The following CPLANE1 variants were observed in gnomAD, a reference collection of about 807,000 sequenced individuals.
CPLANE1 encodes ciliogenesis and planar polarity effector 1.
In CPLANE1, 263 loss-of-function variants were observed where a neutral mutation model predicts 362.5. That is an observed-to-expected ratio of 0.73 (90% CI 0.66 to 0.80). CPLANE1 has a LOEUF of 0.80. Among genes scored for constraint, CPLANE1 ranks in the 30% least tolerant of loss-of-function variants. CPLANE1 has a pLI of 0.00. For synonymous variants in CPLANE1, 1,212 were observed against 1,302.6 expected, an observed-to-expected ratio of 0.93 and a Z score of 1.50; for missense variants, 3,461 against 3,793.4, an observed-to-expected ratio of 0.91 and a Z score of 2.30.
At chr5:37,105,227 T>C (rs758414835), downstream of CPLANE1, among the ~76,000 whole-genome samples, 6 of 151,490 alleles carry the variant, frequency 4.0e-5, no homozygotes, top group Non-Finnish European at 7.4e-5. Context: ...TTGAGCCTGG[T>C]AGGTCAAGGC....
In CPLANE1 at chr5:37,107,765, G is replaced by T; in HGVS notation, c.9593C>A (p.Thr3198Asn). ...HNSLLQDLSP[T>N]EEEEPEHPFG... ...AGGATGCTCTGGCTCTTCCTCTTCA[G>T]TTGGAGACAAGTCCTATTAAATTGA... Residue 3198 changes from threonine (T) to asparagine (N), a missense_variant, in exon 53 of 53, where the codon ACT becomes AAT. This residue lies in a region of CPLANE1 where 81 missense variants were observed against 127.3 expected (regional missense o/e 0.64). Transcript: ENST00000651892. 6.2e-7 allele frequency: 1 copy of T among 1,608,380 alleles called. No homozygotes were observed. Among genetic ancestry groups the T allele is most frequent in the African/African-American group, 1.3e-5 (1 of 74,906 alleles).
At chr5:37,176,669 G>A (rs905098340) in intron 30 of CPLANE1, among the ~76,000 whole-genome samples, 1 of 152,068 alleles carries the variant, frequency 6.6e-6, no homozygotes, top group South Asian at 2.1e-4. Context: ...ACTTGTAAAG[G>A]CCCATAGTAT....
chr5:37,237,831 C>T (rs1475386637), intron 8 of CPLANE1, among the ~76,000 whole-genome samples: 1 of 151,682 alleles, frequency 6.6e-6, no homozygotes, highest in African/African-American at 2.4e-5. Flanking sequence ...GCCTGGGTGA[C>T]AGAGTGAGAC....
the CPLANE1 span, among the ~76,000 whole-genome samples, chr5:37,083,789 C>T: frequency 1.3e-5 from 2 of 152,122 alleles, no homozygotes; most frequent in Non-Finnish European, 2.9e-5. Context: ...TTAAACGAAA[C>T]CATTCACCTA....
chr5:37,236,433 G>T (rs142652736), intron 8 of CPLANE1, among the ~76,000 whole-genome samples: 3,326 of 151,892 alleles, frequency 0.022, 137 homozygotes, highest in African/African-American at 0.077. Context: ...AACTCAAGAT[G>T]GATTAAAGAC....
chr5:37,223,029 T>G (rs1795693361), intron 14 of CPLANE1, among the ~76,000 whole-genome samples: 2 of 152,232 alleles, frequency 1.3e-5, no homozygotes, highest in Non-Finnish European at 2.9e-5. Flanking sequence ...AAAATCTTAA[T>G]TCCTTACCAC....
chr5:37,088,424 A>C, the CPLANE1 span, among the ~76,000 whole-genome samples: 1 of 152,228 alleles, frequency 6.6e-6, no homozygotes, highest in Non-Finnish European at 1.5e-5. Flanking sequence ...AGAGAAACCC[A>C]AATTGTTTTC....
At chr5:37,211,578 C>A (rs1792607768) in intron 16 of CPLANE1, 2 of 1,018,836 alleles carry the variant, frequency 2.0e-6, no homozygotes, top group South Asian at 2.6e-5. Context: ...CTCCTCCACA[C>A]CCCTTCCAAA....
intron 31 of CPLANE1, among the ~76,000 whole-genome samples, chr5:37,174,559 T>C (rs1465607483): frequency 1.3e-5 from 2 of 152,058 alleles, no homozygotes; most frequent in Non-Finnish European, 2.9e-5. Context: ...AAGCAAGGTG[T>C]TTAGGTTTTT....
chr5:37,132,534 G>A (rs570456982), intron 46 of CPLANE1, among the ~76,000 whole-genome samples: 51 of 152,094 alleles, frequency 3.4e-4, no homozygotes, highest in Admixed American at 1.0e-3. Flanking sequence ...TTTCAGTAGT[G>A]ACGGGGTTTC....
chr5:37,102,349 G>A (rs770018546), downstream of CPLANE1, among the ~76,000 whole-genome samples: 46 of 151,974 alleles, frequency 3.0e-4, no homozygotes, highest in Non-Finnish European at 5.3e-4. Context: ...CATCATGACC[G>A]GCTAATTTTT....
At chr5:37,220,558 C>A (rs184493576) in intron 15 of CPLANE1, among the ~76,000 whole-genome samples, 226 of 151,686 alleles carry the variant, frequency 1.5e-3, no homozygotes, top group Middle Eastern at 3.4e-3. Flanking sequence ...TGGAGTCTGG[C>A]TCTGTCACCC....
At chr5:37,157,545 G>T in intron 40 of CPLANE1, 125 bp from the exon 41 acceptor site, 1 of 1,102,678 alleles carries the variant, frequency 9.1e-7, no homozygotes, top group Non-Finnish European at 1.3e-6. Context: ...ACATTTCTGT[G>T]CATGTAAACA....
At chr5:37,163,225 TG>T (rs1289412901) in intron 37 of CPLANE1, among the ~76,000 whole-genome samples, 2 of 152,038 alleles carry the variant, frequency 1.3e-5, no homozygotes, top group Non-Finnish European at 2.9e-5. Flanking sequence ...TGGTGAGGGA[TG>T]GGGAAACAGG....
At chr5:37,237,088 G>C (rs1446393008) in intron 8 of CPLANE1, among the ~76,000 whole-genome samples, 3 of 151,940 alleles carry the variant, frequency 2.0e-5, no homozygotes, top group Non-Finnish European at 4.4e-5. Flanking sequence ...CCCACTATTG[G>C]GTATATACCC....
In CPLANE1 at chr5:37,230,346, T is replaced by C. The variant is rs79898576; in HGVS notation, c.1121+521A>G. Among the ~76,000 whole-genome samples, 545 of 152,028 alleles carry C rather than the reference T, an allele frequency of 3.6e-3. 4 individuals carry two copies. Among genetic ancestry groups the C allele is most frequent in the African/African-American group, 0.013 (523 of 41,490 alleles). ...CATCTCACAAGTAAAAATTATAATA[T>C]GACACATGCTATCCAAGTAACAAAA... On this transcript the variant is annotated intron_variant, in intron 9 of 52. Transcript: ENST00000651892.
intron 18 of CPLANE1, among the ~76,000 whole-genome samples, chr5:37,202,834 T>A (rs1452754743): frequency 6.6e-6 from 1 of 152,040 alleles, no homozygotes; most frequent in Admixed American, 6.6e-5. Context: ...CAATTAAATA[T>A]ATGTTGTCTT....
intron 43 of CPLANE1, among the ~76,000 whole-genome samples, chr5:37,144,600 C>T (rs1242409111): frequency 1.3e-5 from 2 of 151,638 alleles, no homozygotes; most frequent in East Asian, 1.9e-4. Flanking sequence ...GCCTGTAATC[C>T]CAGCACTTTG....
intron 8 of CPLANE1, among the ~76,000 whole-genome samples, chr5:37,235,567 C>CTTTTTT (rs546612161): frequency 3.2e-4 from 30 of 93,352 alleles, no homozygotes; most frequent in Non-Finnish European, 4.3e-4. Context: ...TATCTAATTT[C>CTTTTTT]TTTTTTTTTT....
Sources: allele counts gnomAD v4.1 joint callset (sites outside exome capture counted in the v4.1 genomes callset), GRCh38; gene constraint gnomAD v4.1.1; regional missense constraint gnomAD v4.1.1; transcripts MANE v1.5; gene names NCBI Gene and HGNC (gene_info 2026-07-23, HGNC 2026-07-21).